The following CNTRL variants were observed in gnomAD, a reference collection of about 807,000 sequenced individuals.
The protein encoded by CNTRL is centriolin.
In CNTRL, 233 loss-of-function variants were observed where a neutral mutation model predicts 303.7. That is an observed-to-expected ratio of 0.77 (90% CI 0.69 to 0.86). The LOEUF (loss-of-function observed/expected upper bound fraction) is 0.86, where lower values mean the gene tolerates loss of function less well. Among genes scored for constraint, CNTRL ranks in the 40% least tolerant of loss-of-function variants. The pLI, the probability that CNTRL is intolerant of heterozygous loss-of-function variation, is 0.00. For synonymous variants in CNTRL, 900 were observed against 922.2 expected (o/e 0.98, Z 0.44); for missense variants, 2,524 against 2,650.6 (o/e 0.95, Z 1.05).
intron 1 of CNTRL, among the ~76,000 whole-genome samples, chr9:121,079,513 AAAT>A (rs1460187630): frequency 6.6e-6 from 1 of 152,206 alleles, no homozygotes; most frequent in Non-Finnish European, 1.5e-5. Context: ...AAAAAAATAA[AAAT>A]AAAGTACAGG....
At chr9:121,173,565 T>C (rs951160164) in intron 41 of CNTRL, 56 bp downstream of exon 41, 5 of 1,609,852 alleles carry the variant, frequency 3.1e-6, no homozygotes, top group Non-Finnish European at 4.2e-6. Context: ...CTCCCCCAGC[T>C]AAGCTAAAAC....
intron 25 of CNTRL, chr9:121,152,084 G>C: frequency 5.6e-6 from 1 of 179,372 alleles, no homozygotes; most frequent in South Asian, 1.3e-4. Context: ...TACTTCTTCA[G>C]CCTAGGTCTT....
In CNTRL at chr9:121,141,576, C is replaced by T; in HGVS notation, c.2679C>T (p.Ala893=). 6.2e-7 allele frequency: 1 copy of T among 1,613,928 alleles called. No homozygotes were observed. Among genetic ancestry groups the T allele is most frequent in the Non-Finnish European group, 8.5e-7 (1 of 1,179,954 alleles). The change falls in exon 18 of 44, where the codon GCC becomes GCT. Residue 893 remains alanine, a synonymous_variant. Transcript: ENST00000373855. ...AGTTCAGGCAGGCCTGTGAGAGAGC[C>T]CTGGAAGCAAGAGTAAGACAAGGGC... ...QEEFRQACER[A]LEARMNFDKR... is the part of the protein sequence containing the mutation.
intron 5 of CNTRL, among the ~76,000 whole-genome samples, chr9:121,095,242 G>T (rs2132499212): frequency 6.6e-6 from 1 of 152,240 alleles, no homozygotes; most frequent in African/African-American, 2.4e-5. Flanking sequence ...TTATCAAAGA[G>T]ATATATTTTT....
chr9:121,145,952 A>T (rs1433328008), intron 22 of CNTRL, among the ~76,000 whole-genome samples, 156 bp from the exon 23 acceptor site: 1 of 152,244 alleles, frequency 6.6e-6, no homozygotes, highest in Non-Finnish European at 1.5e-5. Flanking sequence ...AATGTTTACA[A>T]ATCAGTTTGC....
At chr9:121,102,088 A>T (rs1480142946) in intron 7 of CNTRL, among the ~76,000 whole-genome samples, 1 of 152,190 alleles carries the variant, frequency 6.6e-6, no homozygotes, top group Non-Finnish European at 1.5e-5. Context: ...CCTGGCAGAG[A>T]CACAACAAAA....
At chr9:121,122,345 G>C in intron 12 of CNTRL, 1 of 944,914 alleles carries the variant, frequency 1.1e-6, no homozygotes, top group Non-Finnish European at 1.3e-6. Flanking sequence ...AGCTTTACCA[G>C]TAGTAAATTA....
intron 12 of CNTRL, chr9:121,121,782 G>T: frequency 1.0e-6 from 1 of 985,476 alleles, no homozygotes; most frequent in Non-Finnish European, 1.2e-6. Context: ...TCTTGGCCAA[G>T]AATGTGGTTT....
At chr9:121,170,171 A>G (rs1163216670) in intron 39 of CNTRL, among the ~76,000 whole-genome samples, 1 of 152,136 alleles carries the variant, frequency 6.6e-6, no homozygotes, top group Non-Finnish European at 1.5e-5. Flanking sequence ...TTAAGATGGC[A>G]TCTTGCTTTG....
At chr9:121,131,688 G>C (rs2050868954) in intron 14 of CNTRL, among the ~76,000 whole-genome samples, 1 of 152,170 alleles carries the variant, frequency 6.6e-6, no homozygotes, top group East Asian at 1.9e-4. Flanking sequence ...ATGCTAGCTG[G>C]TTATTTTGTC....
At chr9:121,145,952 A>C (rs1433328008) in intron 22 of CNTRL, among the ~76,000 whole-genome samples, 156 bp from the exon 23 acceptor site, 2 of 152,244 alleles carry the variant, frequency 1.3e-5, no homozygotes, top group African/African-American at 2.4e-5. Context: ...AATGTTTACA[A>C]ATCAGTTTGC....
chr9:121,132,349 T>C (rs1481253448), intron 14 of CNTRL, among the ~76,000 whole-genome samples: 1 of 152,222 alleles, frequency 6.6e-6, no homozygotes, highest in African/African-American at 2.4e-5. Flanking sequence ...CTTTTTTCTC[T>C]AAACTTCTCT....
chr9:121,172,204 G>A (rs991191124), intron 40 of CNTRL, among the ~76,000 whole-genome samples: 4 of 152,068 alleles, frequency 2.6e-5, no homozygotes, highest in African/African-American at 7.2e-5. Flanking sequence ...ATTATTTAAA[G>A]ACCACAAGCC....
At chr9:121,176,187 G>A (rs534155444) in intron 43 of CNTRL, among the ~76,000 whole-genome samples, 4 of 152,248 alleles carry the variant, frequency 2.6e-5, no homozygotes, top group East Asian at 3.9e-4. Flanking sequence ...ATATAGATAA[G>A]GAATCTGTAC....
intron 14 of CNTRL, among the ~76,000 whole-genome samples, chr9:121,133,426 C>T (rs2050990385): frequency 6.6e-6 from 1 of 152,266 alleles, no homozygotes; most frequent in African/African-American, 2.4e-5. Context: ...GAGCAAGGCT[C>T]TGTGAGCATG....
intron 12 of CNTRL, among the ~76,000 whole-genome samples, chr9:121,123,374 G>A (rs139395712): frequency 0.012 from 1,884 of 152,268 alleles, 21 homozygotes; most frequent in Non-Finnish European, 0.017. Flanking sequence ...GAGGTCAGGA[G>A]TTCCAGATCA....
At chr9:121,137,666 A>C (rs1480247870) in intron 15 of CNTRL, among the ~76,000 whole-genome samples, 5 of 152,208 alleles carry the variant, frequency 3.3e-5, no homozygotes, top group Non-Finnish European at 7.3e-5. Flanking sequence ...TATAGTTGAC[A>C]AGATCAGAGT....
intron 39 of CNTRL, among the ~76,000 whole-genome samples, chr9:121,170,535 A>G (rs1245861768): frequency 6.6e-6 from 1 of 151,946 alleles, no homozygotes; most frequent in Admixed American, 6.6e-5. Flanking sequence ...AGTTCACTGC[A>G]ACCTCCACCT....
chr9:121,145,259 G>T lies in CNTRL; in HGVS notation c.3184G>T (p.Glu1062Ter), dbSNP rs772505517. 6.2e-7 allele frequency: 1 copy of T among 1,604,404 alleles called. No individual in the cohort carries two copies. The highest frequency in any genetic ancestry group is 1.3e-5 in the African/African-American group (1 of 74,338). Residue 1062 changes from glutamate to a stop codon, truncating the protein, a stop_gained, in exon 22 of 44, where the codon GAG becomes TAG. Transcript: ENST00000373855. LOFTEE classifies it high-confidence loss of function. ...QKGEQFRLEM[E>*]KTGVGTGANS... Reference sequence around the variant, plus strand: ...TTTTAAATAGTTTCGACTTGAGATGGAGAAAACAGGTGTAGGTACTGGAGC... The same window carrying T: ...TTTTAAATAGTTTCGACTTGAGATGTAGAAAACAGGTGTAGGTACTGGAGC...
Sources: gnomAD v4.1 joint callset for allele counts (sites outside exome capture counted in the v4.1 genomes callset) on GRCh38, gnomAD v4.1.1 for gene constraint, MANE v1.5 for transcripts, NCBI Gene and HGNC (gene_info 2026-07-23, HGNC 2026-07-21) for gene names.